The following CELA2B variants were observed in gnomAD, a reference collection of about 807,000 sequenced individuals.
CELA2B encodes chymotrypsin-like elastase family member 2B.
CELA2B carries 27 observed loss-of-function variants against 36.5 expected under a neutral mutation model. That is an observed-to-expected ratio of 0.74 (90% CI 0.55 to 1.02). CELA2B has a LOEUF of 1.02. Among genes scored for constraint, CELA2B ranks in the 50% least tolerant of loss-of-function variants. The pLI, the probability that CELA2B is intolerant of heterozygous loss-of-function variation, is 0.00. For missense variants in CELA2B, 340 were observed against 347.8 expected (o/e 0.98, Z 0.18); for synonymous variants, 143 against 148.5 (o/e 0.96, Z 0.27).
At chr1:15,491,253 G>A (rs772859467) in intron 7 of CELA2B, 42 bp from the exon 8 acceptor site, 8 of 1,613,690 alleles carry the variant, frequency 5.0e-6, no homozygotes, top group Non-Finnish European at 6.8e-6. Context: ...CAGCTCTGTG[G>A]TTACGTGAAC....
At position 15,481,747 on chromosome 1, in the gene CELA2B, C is replaced by T. The variant is rs117142293; in HGVS notation, c.228-518C>T. 2.5e-3 allele frequency: 1,196 copies of T among 469,630 alleles called. 11 individuals are homozygous for T. The highest frequency in any genetic ancestry group is 0.024 in the East Asian group (339 of 14,394). 29.1% of individuals were successfully genotyped at this position (469,630 alleles called of 1,614,324 possible). ...AGCTGGAACTCACCGGAGTTTCTGCCGGGTCAGTGTGACTCCCTACCAGGA... is the reference window on the plus strand; with the variant it reads ...AGCTGGAACTCACCGGAGTTTCTGCTGGGTCAGTGTGACTCCCTACCAGGA... On this transcript the variant is annotated intron_variant, in intron 3 of 7. Transcript: ENST00000375910.
chr1:15,489,523 A>G (rs954625718), intron 7 of CELA2B, among the ~76,000 whole-genome samples: 5 of 152,310 alleles, frequency 3.3e-5, no homozygotes, highest in East Asian at 1.9e-4. Context: ...ACCCAGGGAC[A>G]CAGTGTGTGC....
intron 2 of CELA2B, among the ~76,000 whole-genome samples, chr1:15,480,040 T>C (rs1708720767): frequency 6.6e-6 from 1 of 152,050 alleles, no homozygotes; most frequent in Non-Finnish European, 1.5e-5. Flanking sequence ...AGAGAAGTCA[T>C]CTGACTTCCA....
chr1:15,481,025 C>T (rs1228712555), intron 2 of CELA2B, 73 bp from the exon 3 acceptor site: 7 of 1,561,612 alleles, frequency 4.5e-6, no homozygotes, highest in Non-Finnish European at 6.2e-6. Flanking sequence ...GTCCCAGCCC[C>T]GTTCTTGGGA....
chr1:15,490,244 C>CTATA (rs751153686), intron 7 of CELA2B, among the ~76,000 whole-genome samples: 1 of 141,614 alleles, frequency 7.1e-6, no homozygotes, highest in Non-Finnish European at 1.5e-5. Context: ...ATCTATCTAT[C>CTATA]TATCTATCTA....
intron 7 of CELA2B, among the ~76,000 whole-genome samples, chr1:15,489,842 C>T (rs2103316888): frequency 6.6e-6 from 1 of 152,174 alleles, no homozygotes; most frequent in Non-Finnish European, 1.5e-5. Flanking sequence ...CATTTTACAT[C>T]TCCAATTCCA....
At chr1:15,491,198 T>C (rs1415296555) in intron 7 of CELA2B, 97 bp from the exon 8 acceptor site, 1 of 1,452,110 alleles carries the variant, frequency 6.9e-7, no homozygotes, top group East Asian at 2.3e-5. Flanking sequence ...GTGACTCACT[T>C]GAGTAGCTTA....
chr1:15,482,266 T>G lies in CELA2B; in HGVS notation c.229T>G (p.Ser77Ala), dbSNP rs1459271941. ...WVLTAAHCIS[S>A]SGIYRVMLGQ... Reference sequence around the variant, plus strand: ...CTCCCTGGGACCCCTTTCTCCCAGCTCCTCCGGGATCTACCGCGTGATGCT... The same window carrying G: ...CTCCCTGGGACCCCTTTCTCCCAGCGCCTCCGGGATCTACCGCGTGATGCT... The change falls in exon 4 of 8, where the codon TCC (serine) becomes GCC (alanine). Residue 77 changes from serine to alanine, a missense_variant and splice_region_variant. Transcript: ENST00000375910. 1.9e-6 allele frequency: 3 copies of G among 1,613,744 alleles called. No homozygotes were observed. In the South Asian group the frequency reaches 3.3e-5, roughly 18 times the overall value.
At chr1:15,483,504 T>TA in intron 5 of CELA2B, 104 bp downstream of exon 5, 1 of 1,557,244 alleles carries the variant, frequency 6.4e-7, no homozygotes, top group Non-Finnish European at 8.7e-7. Context: ...GGCATGTGGC[T>TA]GCCTTGGAGA....
At chr1:15,483,462 G>T in intron 5 of CELA2B, 62 bp downstream of exon 5, 4 of 1,609,724 alleles carry the variant, frequency 2.5e-6, no homozygotes, top group Non-Finnish European at 3.4e-6. Context: ...ACCCCTGTCC[G>T]GCCAGGGCCT....
At chr1:15,481,550 A>G in intron 3 of CELA2B, 1 of 509,020 alleles carries the variant, frequency 2.0e-6, no homozygotes, top group South Asian at 1.6e-5. Flanking sequence ...CCTGCAGAAA[A>G]TGGAGTAACA....
chr1:15,481,195 G>A lies in CELA2B; in HGVS notation c.227G>A (p.Ser76Asn). ...SWVLTAAHCI[S>N]SSGIYRVMLG... ...GTCCTGACGGCTGCCCACTGCATCAGGTAACTGCCATTCCCTGGGCGCTTG... is the reference window on the plus strand; with the variant it reads ...GTCCTGACGGCTGCCCACTGCATCAAGTAACTGCCATTCCCTGGGCGCTTG... Residue 76 changes from serine to asparagine, a missense_variant and splice_region_variant, in exon 3 of 8, where the codon AGC becomes AAC. Ser to Asn is a conservative substitution (Grantham distance 46). Coordinates refer to ENST00000375910, the MANE Select transcript of CELA2B (RefSeq NM_015849.3). 6.2e-7 allele frequency: 1 copy of A among 1,614,226 alleles called. No homozygotes were observed. Among genetic ancestry groups the A allele is most frequent in the Non-Finnish European group, 8.5e-7 (1 of 1,180,052 alleles).
rs116284786 is a variant in CELA2B at position 15,481,881 on chromosome 1, G to A, written c.228-384G>A. The A allele has an allele frequency of 2.8e-3, 1,121 of 394,312 alleles. 11 individuals carry two copies. Among genetic ancestry groups the A allele is most frequent in the East Asian group, 0.024 (322 of 13,628 alleles). The allele number at this position is 394,312 out of a possible 1,614,324, so 24.4% of individuals were successfully genotyped here. A position where few individuals can be genotyped will look rare whatever the true frequency, so the allele number is the denominator to read the frequency against. Reference sequence around the variant, plus strand: ...CTTCTAGTTCTGATTTCTCACTAACGGTGGGACTCCGGACCAGTTACTCCT... The same window carrying A: ...CTTCTAGTTCTGATTTCTCACTAACAGTGGGACTCCGGACCAGTTACTCCT... On this transcript the variant is annotated intron_variant, in intron 3 of 7. Coordinates refer to ENST00000375910, the MANE Select transcript of CELA2B (RefSeq NM_015849.3).
At chr1:15,487,622 G>C (rs1708821869) in intron 7 of CELA2B, among the ~76,000 whole-genome samples, 185 bp downstream of exon 7, 1 of 152,224 alleles carries the variant, frequency 6.6e-6, no homozygotes, top group South Asian at 2.1e-4. Context: ...ATTTCTGTGT[G>C]GGTAAAGCTG....
chr1:15,483,695 A>G (rs571128956), intron 5 of CELA2B, among the ~76,000 whole-genome samples: 1 of 152,324 alleles, frequency 6.6e-6, no homozygotes, highest in East Asian at 1.9e-4. Context: ...TGGGAGGCCG[A>G]GACGAGCAGA....
At chr1:15,482,672 A>G (rs1300396343) in intron 4 of CELA2B, among the ~76,000 whole-genome samples, 3 of 152,194 alleles carry the variant, frequency 2.0e-5, no homozygotes, top group Non-Finnish European at 4.4e-5. Context: ...CTTCATGCCA[A>G]GTCCTGGGGA....
chr1:15,490,009 G>A (rs1256932319), intron 7 of CELA2B, among the ~76,000 whole-genome samples: 1 of 152,078 alleles, frequency 6.6e-6, no homozygotes, highest in Non-Finnish European at 1.5e-5. Flanking sequence ...AACTAGCTGG[G>A]ATTACAGGCA....
chr1:15,485,418 A>C (rs61781037), intron 5 of CELA2B, among the ~76,000 whole-genome samples: 1 of 77,946 alleles, frequency 1.3e-5, no homozygotes, highest in Admixed American at 1.4e-4. Context: ...CTAGCTCAGC[A>C]AAAAAAGGGA....
At chr1:15,477,901 GAGCAACT>G (rs1050517945) in intron 2 of CELA2B, among the ~76,000 whole-genome samples, 1 of 152,176 alleles carries the variant, frequency 6.6e-6, no homozygotes, top group African/African-American at 2.4e-5. Context: ...TAAGTAGAAG[GAGCAACT>G]AGCAGCCCAC....
Sources: gnomAD v4.1 joint callset for allele counts (sites outside exome capture counted in the v4.1 genomes callset) on GRCh38, gnomAD v4.1.1 for gene constraint, MANE v1.5 for transcripts, NCBI Gene and HGNC (gene_info 2026-07-23, HGNC 2026-07-21) for gene names.